Variants in RGPD8 observed in about 807,000 individuals in gnomAD.
RGPD8 encodes the protein RANBP2-like and GRIP domain-containing protein 8.
Under a neutral mutation model 89.1 loss-of-function variants are expected in RGPD8, and 15 were observed. That is an observed-to-expected ratio of 0.17 (90% CI 0.11 to 0.26). RGPD8 has a LOEUF of 0.26. Ranked by LOEUF, RGPD8 falls within the 10% of genes least tolerant of loss-of-function variation. The pLI is 1.00. For missense variants in RGPD8, 178 were observed against 1,179.6 expected (o/e 0.15, Z 12.44); for synonymous variants, 62 against 420.9 (o/e 0.15, Z 10.44).
intron 7 of RGPD8, among the ~76,000 whole-genome samples, chr2:112,409,221 T>C (rs1445949990): frequency 3.6e-5 from 3 of 82,940 alleles, no homozygotes; most frequent in Non-Finnish European, 6.7e-5. Context: ...TTCTATTATA[T>C]ATTCATTCTA....
rs1353543194 is a variant in RGPD8, at chr2:112,390,050, T to G, written c.2895A>C (p.Thr965=). Residue 965 remains threonine (T), a synonymous_variant, in exon 20 of 23, where the codon ACA becomes ACC. Coordinates refer to ENST00000302558, the MANE Select transcript of RGPD8 (RefSeq NM_001164463.1). ...CATCTGCAAATGTAAAAGTGCTACT[T>G]GTTTGGCCAAAAATCACACCACGGC... ...KKGRGVIFGQ[T]SSTFTFADVA... 6.3e-7 allele frequency: 1 copy of G among 1,576,490 alleles called. No homozygotes were observed. Among genetic ancestry groups the G allele is most frequent in the African/African-American group, 1.4e-5 (1 of 71,900 alleles).
intron 6 of RGPD8, among the ~76,000 whole-genome samples, chr2:112,413,185 A>C (rs1244785666): frequency 7.0e-6 from 1 of 142,784 alleles, no homozygotes. Flanking sequence ...CAATGGCACG[A>C]TCTAAGCTCA....
intron 22 of RGPD8, among the ~76,000 whole-genome samples, chr2:112,371,952 G>A (rs1446338222): frequency 1.4e-5 from 2 of 147,518 alleles, no homozygotes; most frequent in African/African-American, 5.1e-5. Context: ...ACAATCTGCT[G>A]CGTAACAAAT....
chr2:112,431,867 T>G (rs1340185203), intron 1 of RGPD8, among the ~76,000 whole-genome samples: 2 of 152,226 alleles, frequency 1.3e-5, no homozygotes, highest in Non-Finnish European at 2.9e-5. Flanking sequence ...CTCGAACTCC[T>G]GACCTCAGGC....
chr2:112,380,607 C>G (rs529639295), intron 21 of RGPD8, among the ~76,000 whole-genome samples: 1 of 141,892 alleles, frequency 7.0e-6, no homozygotes, highest in Non-Finnish European at 1.5e-5. Flanking sequence ...GAGCTAAGAT[C>G]GTGCCACTGC....
intron 7 of RGPD8, among the ~76,000 whole-genome samples, chr2:112,410,843 T>G (rs1274120688): frequency 6.6e-6 from 1 of 152,280 alleles, no homozygotes; most frequent in Non-Finnish European, 1.5e-5. Context: ...CCCAGCACTT[T>G]GAGAGGCCGA....
In RGPD8 at chr2:112,433,582, G is replaced by A. The variant is rs915277799; in HGVS notation, c.-129C>T. On this transcript the variant is annotated 5_prime_UTR_variant, in exon 1 of 23. Coordinates refer to ENST00000302558, the MANE Select transcript of RGPD8 (RefSeq NM_001164463.1). Reference sequence around the variant, plus strand: ...GTAGCCGGCGGAGGCCCACTGTGACGAGCGTGCGGCGCCGCCCACGGAGGC... The same window carrying A: ...GTAGCCGGCGGAGGCCCACTGTGACAAGCGTGCGGCGCCGCCCACGGAGGC... 97 of 1,015,252 alleles carry A rather than the reference G, an allele frequency of 9.6e-5. No homozygotes were observed. The highest frequency in any genetic ancestry group is 1.2e-4 in the Non-Finnish European group (87 of 710,220). 62.9% of individuals were successfully genotyped at this position (1,015,252 alleles called of 1,614,324 possible).
intron 1 of RGPD8, among the ~76,000 whole-genome samples, chr2:112,424,658 G>A (rs1374421448): frequency 6.6e-6 from 1 of 151,862 alleles, no homozygotes; most frequent in East Asian, 1.9e-4. Context: ...GGTGGAGGTT[G>A]CAGTGAGCCA....
At position 112,422,612 on chromosome 2, in the gene RGPD8, T is replaced by G; in HGVS notation, c.188A>C (p.His63Pro). 6.2e-7 allele frequency: 1 copy of G among 1,609,022 alleles called. No individual in the cohort carries two copies. The highest frequency in any genetic ancestry group is 8.5e-7 in the Non-Finnish European group (1 of 1,178,776). ...INVQERDPKA[H>P]RFLGLLYELE... ...TTCATAAAGAAGACCCAGAAATCTG[T>G]GAGCTTTGGGATCCCTCTCTTGCAC... The change falls in exon 3 of 23, where the codon CAC becomes CCC. Residue 63 changes from histidine (H) to proline (P), a missense_variant. By Grantham distance (77) the His-to-Pro change is moderately conservative. Transcript: ENST00000302558.
intron 6 of RGPD8, among the ~76,000 whole-genome samples, chr2:112,416,088 C>CAAAAAAAAAAAAAAAAAAAAAAAAA (rs1168507298): frequency 1.1e-5 from 1 of 88,914 alleles, no homozygotes; most frequent in Non-Finnish European, 2.1e-5. Flanking sequence ...GACTCCATCT[C>CAAAAAAAAAAAAAAAAAAAAAAAAA]AAAAAAAAAA....
chr2:112,429,433 A>G (rs3969578), intron 1 of RGPD8, among the ~76,000 whole-genome samples: 94 of 148,920 alleles, frequency 6.3e-4, no homozygotes, highest in African/African-American at 8.3e-4. Flanking sequence ...AAAAAAAAAA[A>G]AAAAGAAAAG....
intron 19 of RGPD8, 129 bp from the exon 20 acceptor site, chr2:112,390,376 C>T (rs1678650839): frequency 1.4e-6 from 1 of 702,630 alleles, no homozygotes; most frequent in Non-Finnish European, 2.3e-6. Flanking sequence ...ATGATGATAA[C>T]ATTTATTGAG....
chr2:112,426,921 G>C (rs1679796534), intron 1 of RGPD8, among the ~76,000 whole-genome samples: 1 of 150,920 alleles, frequency 6.6e-6, no homozygotes, highest in African/African-American at 2.4e-5. Flanking sequence ...TGCGTCCCGG[G>C]TACAAGCTGG....
In RGPD8 at chr2:112,422,617, T is replaced by G; in HGVS notation, c.183A>C (p.Lys61Asn). 2 of 1,608,606 alleles carry G rather than the reference T, an allele frequency of 1.2e-6. No homozygotes were observed. The highest frequency in any genetic ancestry group is 1.1e-5 in the South Asian group (1 of 90,810). Residue 61 changes from lysine to asparagine, a missense_variant, in exon 3 of 23, where the codon AAA becomes AAC. By Grantham distance (94) the Lys-to-Asn change is moderately conservative (BLOSUM62 0). Coordinates refer to ENST00000302558, the MANE Select transcript of RGPD8 (RefSeq NM_001164463.1). ...TYINVQERDPKAHRFLGLLYE... is the reference protein window; with the variant it reads ...TYINVQERDPNAHRFLGLLYE... Reference sequence around the variant, plus strand: ...AAAGAAGACCCAGAAATCTGTGAGCTTTGGGATCCCTCTCTTGCACATTAA... The same window carrying G: ...AAAGAAGACCCAGAAATCTGTGAGCGTTGGGATCCCTCTCTTGCACATTAA...
At chr2:112,433,320 C>T (rs545375032) in intron 1 of RGPD8, 62 bp downstream of exon 1, 3 of 1,349,336 alleles carry the variant, frequency 2.2e-6, no homozygotes, top group African/African-American at 1.6e-5. Context: ...GCCGCCGGGC[C>T]GGGTCGAGGC....
chr2:112,379,267 G>A (rs1419731329), intron 21 of RGPD8, among the ~76,000 whole-genome samples: 1 of 151,808 alleles, frequency 6.6e-6, no homozygotes, highest in Admixed American at 6.6e-5. Flanking sequence ...CAATAAAGAA[G>A]ACGAAGAAAT....
At chr2:112,430,120 A>G (rs535379474) in intron 1 of RGPD8, among the ~76,000 whole-genome samples, 11 of 152,190 alleles carry the variant, frequency 7.2e-5, no homozygotes, top group South Asian at 2.1e-4. Context: ...AAAACAAGAG[A>G]AGACTAACAA....
chr2:112,381,664 A>AAAAT (rs1223282064), intron 20 of RGPD8, among the ~76,000 whole-genome samples: 1 of 143,658 alleles, frequency 7.0e-6, no homozygotes, highest in African/African-American at 2.6e-5. Context: ...AATATACCAA[A>AAAAT]ACATCACTAC....
chr2:112,391,256 T>A (rs1310172405), intron 18 of RGPD8, among the ~76,000 whole-genome samples, 187 bp from the exon 19 acceptor site: 3 of 148,870 alleles, frequency 2.0e-5, no homozygotes, highest in Non-Finnish European at 4.5e-5. Context: ...AGAAAAAAAT[T>A]GCTAAATATG....
Sources: gnomAD v4.1 joint callset for allele counts (sites outside exome capture counted in the v4.1 genomes callset) on GRCh38, gnomAD v4.1.1 for gene constraint, MANE v1.5 for transcripts, NCBI Gene and HGNC (gene_info 2026-07-23, HGNC 2026-07-21) for gene names.